Variants in LRRTM4 observed in about 807,000 individuals in gnomAD.
LRRTM4 encodes the protein leucine rich repeat transmembrane neuronal 4, also known as leucine-rich repeat transmembrane neuronal protein 4.
In LRRTM4, 25 loss-of-function variants were observed where a neutral mutation model predicts 47.6. The ratio of observed to expected loss-of-function variants is 0.53; its 90% CI spans 0.38 to 0.73. The LOEUF (loss-of-function observed/expected upper bound fraction) is 0.73, where lower values mean the gene tolerates loss of function less well. Ranked by LOEUF, LRRTM4 falls within the 30% of genes least tolerant of loss-of-function variation. LRRTM4 has a pLI of 0.00. For synonymous variants in LRRTM4, 311 were observed against 269.5 expected, an observed-to-expected ratio of 1.15 and a Z score of -1.51; for missense variants, 638 against 713.4, an observed-to-expected ratio of 0.89 and a Z score of 1.20.
At chr2:77,516,908 G>T in intron 3 of LRRTM4, 2 of 984,532 alleles carry the variant, frequency 2.0e-6, no homozygotes, top group Non-Finnish European at 2.4e-6. Flanking sequence ...GGAAAAATTG[G>T]AGTATATGCT....
chr2:77,371,970 A>G lies in LRRTM4; in HGVS notation c.1551+146348T>C, dbSNP rs550236109. Among the ~76,000 whole-genome samples, 21 of 151,882 alleles carry G rather than the reference A, an allele frequency of 1.4e-4. 1 individual carries two copies. Among genetic ancestry groups the G allele is most frequent in the Middle Eastern group, 3.4e-3 (1 of 294 alleles). On this transcript the variant is annotated intron_variant, in intron 3 of 3. Coordinates refer to ENST00000409884, the MANE Select transcript of LRRTM4 (RefSeq NM_001134745.3). ...GAAACAGAGGACTTCATTCCCATGA[A>G]ACAAGACACATGAAGTTTATGTTTG... is the stretch of plus-strand genomic sequence containing the variant.
At chr2:77,315,823 C>T (rs528236467) in intron 3 of LRRTM4, among the ~76,000 whole-genome samples, 17 of 152,280 alleles carry the variant, frequency 1.1e-4, no homozygotes, top group African/African-American at 3.4e-4. Context: ...GAAGATACTG[C>T]CCTTTCTCTT....
chr2:77,515,047 C>G (rs1335708243), intron 3 of LRRTM4, among the ~76,000 whole-genome samples: 1 of 151,790 alleles, frequency 6.6e-6, no homozygotes, highest in Admixed American at 6.6e-5. Flanking sequence ...TTTAAATTCT[C>G]TTTTCTGAGT....
intron 3 of LRRTM4, among the ~76,000 whole-genome samples, chr2:77,389,359 C>T (rs1043648811): frequency 6.6e-6 from 1 of 151,916 alleles, no homozygotes; most frequent in African/African-American, 2.4e-5. Flanking sequence ...AAAAAGGCAC[C>T]GAAGTCTTTC....
chr2:76,823,722 T>A (rs1477294801), intron 3 of LRRTM4, among the ~76,000 whole-genome samples: 1 of 151,466 alleles, frequency 6.6e-6, no homozygotes, highest in Non-Finnish European at 1.5e-5. Flanking sequence ...AGAGAGGGGA[T>A]TCACTGATTG....
At chr2:77,184,811 A>G (rs1673453782) in intron 3 of LRRTM4, among the ~76,000 whole-genome samples, 1 of 152,158 alleles carries the variant, frequency 6.6e-6, no homozygotes, top group African/African-American at 2.4e-5. Context: ...TGCTATTAAA[A>G]CTAAAAACCA....
intron 3 of LRRTM4, among the ~76,000 whole-genome samples, chr2:76,819,550 G>A (rs1331803035): frequency 6.6e-6 from 1 of 151,856 alleles, no homozygotes; most frequent in African/African-American, 2.4e-5. Context: ...TATATTGACA[G>A]ATTTCTCACT....
At chr2:77,241,072 A>C (rs1426797208) in intron 3 of LRRTM4, among the ~76,000 whole-genome samples, 1 of 152,004 alleles carries the variant, frequency 6.6e-6, no homozygotes, top group East Asian at 1.9e-4. Context: ...AATTTGTATA[A>C]AAAAGAAGGA....
chr2:77,135,411 T>G (rs1257654167), intron 3 of LRRTM4, among the ~76,000 whole-genome samples: 1 of 152,214 alleles, frequency 6.6e-6, no homozygotes, highest in Admixed American at 6.5e-5. Flanking sequence ...TGAGGAGTTC[T>G]CCACCCTAAT....
In LRRTM4 at chr2:76,982,026, A is replaced by G. The variant is rs1050491817; in HGVS notation, c.1552-233110T>C. Among the ~76,000 whole-genome samples the G allele has an allele frequency of 7.9e-5, 12 of 152,102 alleles. No homozygotes were observed. The East Asian group carries it at 2.1e-3, about 27-fold the overall frequency. On this transcript the variant is annotated intron_variant, in intron 3 of 3. Coordinates refer to ENST00000409884, the MANE Select transcript of LRRTM4 (RefSeq NM_001134745.3). ...GGGGCTTATAACAACTTAAAAGCAT[A>G]TTTGCTAACAAAAGGATTGTGCTCA...
chr2:77,481,292 T>A (rs72811274), intron 3 of LRRTM4, among the ~76,000 whole-genome samples: 11 of 152,286 alleles, frequency 7.2e-5, no homozygotes, highest in Admixed American at 5.2e-4. Flanking sequence ...GCTCAGCAAG[T>A]ATCCTGCCCA....
intron 3 of LRRTM4, among the ~76,000 whole-genome samples, chr2:77,401,060 G>T (rs946882491): frequency 2.0e-5 from 3 of 151,918 alleles, no homozygotes; most frequent in Admixed American, 2.0e-4. Context: ...CGACTATATG[G>T]TTCACAAAGT....
chr2:77,514,879 T>A (rs975545082), intron 3 of LRRTM4, among the ~76,000 whole-genome samples: 4 of 151,976 alleles, frequency 2.6e-5, no homozygotes, highest in Admixed American at 1.3e-4. Context: ...AAGGAAAAAA[T>A]TGATATACAG....
At chr2:77,405,441 T>C (rs1344418984) in intron 3 of LRRTM4, among the ~76,000 whole-genome samples, 1 of 152,086 alleles carries the variant, frequency 6.6e-6, no homozygotes, top group Admixed American at 6.6e-5. Context: ...TGCACTTTCT[T>C]GAATGTGATA....
intron 3 of LRRTM4, among the ~76,000 whole-genome samples, chr2:77,377,882 T>G (rs1193024653): frequency 6.6e-6 from 1 of 152,018 alleles, no homozygotes; most frequent in African/African-American, 2.4e-5. Context: ...ACACATTATT[T>G]TGTCTTTTCA....
At chr2:77,281,705 C>T (rs956141727) in intron 3 of LRRTM4, among the ~76,000 whole-genome samples, 1 of 151,642 alleles carries the variant, frequency 6.6e-6, no homozygotes, top group Admixed American at 6.6e-5. Flanking sequence ...TACCTTTAGC[C>T]TTTCAAGAAT....
intron 3 of LRRTM4, among the ~76,000 whole-genome samples, chr2:77,072,115 A>ACATTCTTATG (rs1383082511): frequency 6.6e-6 from 1 of 152,104 alleles, no homozygotes; most frequent in East Asian, 1.9e-4. Context: ...TTATCTGAAA[A>ACATTCTTATG]ACTCAGAGTC....
intron 3 of LRRTM4, among the ~76,000 whole-genome samples, chr2:77,226,566 T>TAC (rs1674817411): frequency 6.9e-6 from 1 of 144,642 alleles, no homozygotes; most frequent in Admixed American, 6.9e-5. Flanking sequence ...TATATATATA[T>TAC]ACTAGTGTCT....
chr2:76,904,476 G>C (rs1309944973), intron 3 of LRRTM4, among the ~76,000 whole-genome samples: 3 of 152,164 alleles, frequency 2.0e-5, no homozygotes, highest in Non-Finnish European at 4.4e-5. Context: ...GAATATCTTT[G>C]TAAGGGAAAA....
Sources: gnomAD v4.1 joint callset for allele counts (sites outside exome capture counted in the v4.1 genomes callset) on GRCh38, gnomAD v4.1.1 for gene constraint, MANE v1.5 for transcripts, NCBI Gene and HGNC (gene_info 2026-07-23, HGNC 2026-07-21) for gene names.